Variants in ARHGAP12 observed in about 807,000 individuals in gnomAD.
ARHGAP12 encodes the protein Rho GTPase activating protein 12.
Under a neutral mutation model 108.6 loss-of-function variants are expected in ARHGAP12, and 64 were observed. The observed-to-expected ratio is 0.59, with a 90% CI of 0.48 to 0.73. The LOEUF (loss-of-function observed/expected upper bound fraction) is 0.73, where lower values mean the gene tolerates loss of function less well. ARHGAP12 is among the 30% of genes least tolerant of loss of function. ARHGAP12 has a pLI of 0.00. For missense variants in ARHGAP12, 940 were observed against 1,005.9 expected (o/e 0.93, Z 0.89); for synonymous variants, 312 against 337.2 (o/e 0.93, Z 0.82).
intron 12 of ARHGAP12, among the ~76,000 whole-genome samples, chr10:31,819,992 T>C (rs1330231531): frequency 1.3e-5 from 2 of 152,032 alleles, no homozygotes; most frequent in East Asian, 1.9e-4. Flanking sequence ...AGACCAGTTT[T>C]TGGTTCCAGC....
chr10:31,826,258 C>T, intron 11 of ARHGAP12, 46 bp downstream of exon 11: 1 of 1,475,600 alleles, frequency 6.8e-7, no homozygotes, highest in East Asian at 2.3e-5. Flanking sequence ...CGATACTATT[C>T]ACATAATTTA....
intron 4 of ARHGAP12, among the ~76,000 whole-genome samples, chr10:31,856,802 T>C (rs1377143206): frequency 6.6e-6 from 1 of 151,988 alleles, no homozygotes; most frequent in Non-Finnish European, 1.5e-5. Context: ...AACAGTATAA[T>C]CAGACTCTCT....
At chr10:31,812,686 A>T in intron 15 of ARHGAP12, 21 bp downstream of exon 15, 1 of 1,458,726 alleles carries the variant, frequency 6.9e-7, no homozygotes. Context: ...CATTATTATC[A>T]ACAATACTTC....
In ARHGAP12 at chr10:31,875,299, G is replaced by A. The variant is rs186829713; in HGVS notation, c.685-13641C>T. 1.2e-4 allele frequency among the ~76,000 whole-genome samples: 18 copies of A among 152,280 alleles called. 1 individual carries two copies. The highest frequency in any genetic ancestry group is 7.8e-4 in the Admixed American group (12 of 15,306). On this transcript the variant is annotated intron_variant, in intron 3 of 19. Transcript: ENST00000344936. ...CAGAACACTTATGATACCCATGGAGGTCAATACTCAAAACTTAAAGTTTAC... is the reference window on the plus strand; with the variant it reads ...CAGAACACTTATGATACCCATGGAGATCAATACTCAAAACTTAAAGTTTAC...
intron 3 of ARHGAP12, among the ~76,000 whole-genome samples, chr10:31,881,920 T>G (rs1466061732): frequency 2.0e-5 from 3 of 151,016 alleles, no homozygotes; most frequent in Non-Finnish European, 3.0e-5. Flanking sequence ...TAGATGTTTT[T>G]TTTTTTTTTT....
chr10:31,812,073 T>C (rs1033968503), intron 15 of ARHGAP12, among the ~76,000 whole-genome samples: 1 of 152,218 alleles, frequency 6.6e-6, no homozygotes, highest in Non-Finnish European at 1.5e-5. Flanking sequence ...ATAGACTATA[T>C]TATCTTTACT....
At position 31,826,725 on chromosome 10, in the gene ARHGAP12, T is replaced by C. The variant is rs562673056; in HGVS notation, c.1449-340A>G. On this transcript the variant is annotated intron_variant, in intron 10 of 19. Coordinates refer to ENST00000344936, the MANE Select transcript of ARHGAP12 (RefSeq NM_018287.7). The stretch of plus-strand genomic sequence containing the variant: ...TTAAAGTCACACAAGTGGAATATTG[T>C]ATTTATCAAGAATTCTTACTTAGAA... The C allele has an allele frequency of 1.9e-3, 357 of 190,452 alleles. 2 individuals carry two copies. The highest frequency in any genetic ancestry group is 6.3e-3 in the African/African-American group (271 of 43,198). The allele number at this position is 190,452 out of a possible 1,614,324, so 11.8% of individuals were successfully genotyped here.
intron 3 of ARHGAP12, among the ~76,000 whole-genome samples, chr10:31,868,848 G>A (rs781344104): frequency 8.6e-5 from 13 of 152,018 alleles, no homozygotes; most frequent in Non-Finnish European, 1.3e-4. Context: ...AGGATGACTT[G>A]AGCCCAGGAG....
chr10:31,817,705 C>T, intron 13 of ARHGAP12, 83 bp downstream of exon 13: 2 of 872,312 alleles, frequency 2.3e-6, no homozygotes, highest in Middle Eastern at 3.6e-4. Flanking sequence ...ATATAGATTG[C>T]AATCCGGATA....
At chr10:31,923,959 A>AT (rs1487231105) in intron 1 of ARHGAP12, among the ~76,000 whole-genome samples, 5 of 152,140 alleles carry the variant, frequency 3.3e-5, no homozygotes, top group Non-Finnish European at 5.9e-5. Flanking sequence ...TCAAAACTGT[A>AT]TTTTTTTAAA....
At chr10:31,833,408 T>C (rs1168110506) in intron 9 of ARHGAP12, among the ~76,000 whole-genome samples, 1 of 150,724 alleles carries the variant, frequency 6.6e-6, no homozygotes, top group Non-Finnish European at 1.5e-5. Flanking sequence ...GGCATAGCAG[T>C]AGTGATAGAC....
chr10:31,842,496 A>G (rs1307982728), intron 7 of ARHGAP12, among the ~76,000 whole-genome samples: 1 of 152,130 alleles, frequency 6.6e-6, no homozygotes, highest in African/African-American at 2.4e-5. Context: ...GTTTTCTATT[A>G]GTCCATCTTA....
At position 31,835,750 on chromosome 10, in the gene ARHGAP12, T is replaced by C. The variant is rs1005405983; in HGVS notation, c.1386+3555A>G. On this transcript the variant is annotated intron_variant, in intron 9 of 19. Transcript: ENST00000344936. ...AAGTAAACTTGCACAATTGTACCTA[T>C]AGCATTGAAAAAACACCACTGTAAT... Among the ~76,000 whole-genome samples the C allele has an allele frequency of 6.6e-5, 10 of 152,202 alleles. No individual in the cohort carries two copies. The East Asian group carries it at 1.3e-3, about 20-fold the overall frequency.
chr10:31,908,757 C>A lies in ARHGAP12; in HGVS notation c.99G>T (p.Val33=), dbSNP rs751240479. The A allele has an allele frequency of 7.4e-6, 12 of 1,613,732 alleles. No homozygotes were observed. Among genetic ancestry groups the A allele is most frequent in the Non-Finnish European group, 1.0e-5 (12 of 1,180,038 alleles). ...YEYEAKDRKI[V]IKQGERYILV... ...AGATGTACCTCTCCCCTTGTTTTAT[C>A]ACAATCTTTCTGTCCTTTGCTTCAT... Residue 33 remains valine (V), a synonymous_variant, in exon 3 of 20, where the codon GTG becomes GTT. Transcript: ENST00000344936.
At chr10:31,831,277 T>C (rs913648668) in intron 10 of ARHGAP12, among the ~76,000 whole-genome samples, 1 of 152,160 alleles carries the variant, frequency 6.6e-6, no homozygotes, top group African/African-American at 2.4e-5. Flanking sequence ...CAAGATAAAC[T>C]GTGAAAAGAT....
intron 1 of ARHGAP12, chr10:31,913,033 GC>G (rs1839415051): frequency 6.6e-6 from 1 of 152,324 alleles, no homozygotes; most frequent in Non-Finnish European, 1.5e-5. Flanking sequence ...TTGATATAAT[GC>G]CATGTGTCGG....
chr10:31,845,276 CTAA>C (rs1836411802), intron 6 of ARHGAP12, among the ~76,000 whole-genome samples: 1 of 152,084 alleles, frequency 6.6e-6, no homozygotes, highest in Non-Finnish European at 1.5e-5. Context: ...TTGGGATTTT[CTAA>C]TAATAACAAT....
At chr10:31,873,407 C>T (rs1440481837) in intron 3 of ARHGAP12, among the ~76,000 whole-genome samples, 1 of 152,072 alleles carries the variant, frequency 6.6e-6, no homozygotes, top group Non-Finnish European at 1.5e-5. Context: ...TAAATGAATC[C>T]AGCATCAGTT....
At chr10:31,810,543 TTC>T in intron 16 of ARHGAP12, 104 bp downstream of exon 16, 2 of 729,924 alleles carry the variant, frequency 2.7e-6, no homozygotes, top group East Asian at 5.2e-5. Context: ...TATAAGGAAC[TTC>T]TGTTTGCATC....
Sources: gnomAD v4.1 joint callset for allele counts (sites outside exome capture counted in the v4.1 genomes callset) on GRCh38, gnomAD v4.1.1 for gene constraint, MANE v1.5 for transcripts, NCBI Gene and HGNC (gene_info 2026-07-23, HGNC 2026-07-21) for gene names.